Variants in TSPAN14 observed in about 807,000 individuals in gnomAD.
TSPAN14 encodes tetraspanin-14.
In TSPAN14, 16 loss-of-function variants were observed where a neutral mutation model predicts 36.6. That is an observed-to-expected ratio of 0.44 (90% CI 0.30 to 0.66). The LOEUF is 0.66. TSPAN14 is among the 30% of genes least tolerant of loss of function. TSPAN14 has a pLI of 0.12. For synonymous variants in TSPAN14, 139 were observed against 143.8 expected (o/e 0.97, Z 0.24); for missense variants, 231 against 355.1 (o/e 0.65, Z 2.81).
At chr10:80,508,126 T>C (rs535841183) in intron 4 of TSPAN14, among the ~76,000 whole-genome samples, 1 of 148,092 alleles carries the variant, frequency 6.8e-6, no homozygotes, top group Non-Finnish European at 1.5e-5. Flanking sequence ...TTTCTTTTTT[T>C]TTTTTTTGAT....
chr10:80,509,763 C>A lies in TSPAN14; in HGVS notation c.450+292C>A. ...CCTCCTCTTTCGGCCCCAGATCTTT[C>A]CAATCCTGCCCAATAGCCATACCAG... On this transcript the variant is annotated intron_variant, in intron 5 of 8. Transcript: ENST00000429989. The surrounding 1 kb of genome is among the most constrained non-coding windows in gnomAD (Gnocchi z 4.7). 2.6e-6 allele frequency: 1 copy of A among 389,378 alleles called. No individual in the cohort carries two copies. Among genetic ancestry groups the A allele is most frequent in the Non-Finnish European group, 4.7e-6 (1 of 211,126 alleles). The allele number at this position is 389,378 out of a possible 1,614,324, so 24.1% of individuals were successfully genotyped here.
chr10:80,470,898 A>T (rs956156393), intron 1 of TSPAN14, among the ~76,000 whole-genome samples: 1 of 151,940 alleles, frequency 6.6e-6, no homozygotes, highest in Admixed American at 6.6e-5. Flanking sequence ...TTGGAGGGTC[A>T]GTCTCGGGGT....
intron 2 of TSPAN14, among the ~76,000 whole-genome samples, chr10:80,501,097 C>A (rs1848486118): frequency 6.9e-6 from 1 of 144,384 alleles, no homozygotes; most frequent in African/African-American, 2.6e-5. Flanking sequence ...ATAGATGGAA[C>A]TGACGCTGTT....
At chr10:80,465,871 A>G (rs1474739779) in intron 1 of TSPAN14, among the ~76,000 whole-genome samples, 1 of 152,110 alleles carries the variant, frequency 6.6e-6, no homozygotes, top group Non-Finnish European at 1.5e-5. Context: ...TTCACATCTG[A>G]ATCTCTCCCT....
intron 2 of TSPAN14, among the ~76,000 whole-genome samples, chr10:80,495,426 A>G (rs1848151173): frequency 6.6e-6 from 1 of 151,820 alleles, no homozygotes; most frequent in Non-Finnish European, 1.5e-5. Flanking sequence ...GGCAGAGGGC[A>G]GGGATTGCTT....
exon 9 of TSPAN14, chr10:80,518,158 T>C: frequency 1.6e-6 from 1 of 644,142 alleles, no homozygotes. Context: ...GGGTCCCCCT[T>C]GTTACCTGCC....
exon 8 of TSPAN14, chr10:80,516,276 A>G: frequency 6.2e-7 from 1 of 1,614,236 alleles, no homozygotes; most frequent in Non-Finnish European, 8.5e-7. Context: ...GCTCCCGCGG[A>G]ACATTTACAT....
At chr10:80,481,624 A>G (rs1564722775) in intron 1 of TSPAN14, among the ~76,000 whole-genome samples, 1 of 152,178 alleles carries the variant, frequency 6.6e-6, no homozygotes, top group Non-Finnish European at 1.5e-5. Context: ...TCCTCTTCCA[A>G]GGTAGAAAGC....
intron 1 of TSPAN14, among the ~76,000 whole-genome samples, chr10:80,485,034 TGC>T (rs1847511104): frequency 6.6e-6 from 1 of 152,248 alleles, no homozygotes; most frequent in Admixed American, 6.5e-5. Context: ...GCCACACTGA[TGC>T]TTTATTTTCT....
At chr10:80,520,904 C>T (rs772415797) in exon 9 of TSPAN14, 4 of 498,420 alleles carry the variant, frequency 8.0e-6, no homozygotes, top group Admixed American at 4.1e-5. Context: ...CTGACCTCTC[C>T]CATATGTCTG....
At chr10:80,504,242 G>T (rs1212112110) in intron 2 of TSPAN14, among the ~76,000 whole-genome samples, 1 of 152,232 alleles carries the variant, frequency 6.6e-6, no homozygotes, top group African/African-American at 2.4e-5. Flanking sequence ...CTCCAGGGCT[G>T]GAGAGCTGGG....
At chr10:80,464,364 G>C (rs1269846885) in intron 1 of TSPAN14, among the ~76,000 whole-genome samples, 1 of 152,220 alleles carries the variant, frequency 6.6e-6, no homozygotes, top group Non-Finnish European at 1.5e-5. Context: ...TTGAGCGGGA[G>C]CTTCCTTTCA....
rs1480913574 is a variant in TSPAN14 at position 80,509,181 on chromosome 10, C to G, written c.280-120C>G. ...GGGGTTCTGGGGCCCCGATGTGGGA[C>G]TCTCAGGTGCAGAGCCCACGCTCTG... is the stretch of plus-strand genomic sequence containing the variant. On this transcript the variant is annotated intron_variant, in intron 4 of 8. Transcript: ENST00000429989. This position sits in a 1 kb window ranked among gnomAD's most constrained non-coding sequence, Gnocchi z 4.7. The G allele has an allele frequency of 2.7e-6, 3 of 1,097,030 alleles. No individual in the cohort carries two copies. In the East Asian group the frequency reaches 7.3e-5, roughly 27 times the overall value. The allele number at this position is 1,097,030 out of a possible 1,614,324, so 68.0% of individuals were successfully genotyped here.
At chr10:80,508,974 C>A (rs1840459858) in intron 4 of TSPAN14, among the ~76,000 whole-genome samples, 1 of 152,192 alleles carries the variant, frequency 6.6e-6, no homozygotes, top group Admixed American at 6.5e-5. Flanking sequence ...ATAGGGGTCT[C>A]CTCCTTGTCC....
intron 1 of TSPAN14, among the ~76,000 whole-genome samples, chr10:80,470,317 T>C (rs568286908): frequency 3.3e-5 from 5 of 152,312 alleles, no homozygotes; most frequent in African/African-American, 1.2e-4. Context: ...ACTTCTGACC[T>C]CAGGTGATCC....
At chr10:80,514,827 TG>T (rs1315415925) in intron 7 of TSPAN14, among the ~76,000 whole-genome samples, 1 of 152,036 alleles carries the variant, frequency 6.6e-6, no homozygotes, top group African/African-American at 2.4e-5. Context: ...GGTGGGGTCT[TG>T]GGGAGGGGAT....
At chr10:80,505,340 A>T (rs980176505) in intron 3 of TSPAN14, among the ~76,000 whole-genome samples, 4 of 151,754 alleles carry the variant, frequency 2.6e-5, no homozygotes, top group African/African-American at 9.7e-5. Flanking sequence ...AGGGGATGAG[A>T]CTGGATATGG....
At chr10:80,515,552 C>T (rs1282536818) in intron 7 of TSPAN14, 1 of 152,236 alleles carries the variant, frequency 6.6e-6, no homozygotes, top group Non-Finnish European at 1.5e-5. Context: ...ATTTTGAGGA[C>T]ACAATTTAGC....
intron 1 of TSPAN14, among the ~76,000 whole-genome samples, chr10:80,474,547 T>G (rs1443262108): frequency 1.3e-5 from 2 of 151,794 alleles, no homozygotes; most frequent in African/African-American, 4.8e-5. Context: ...GGCTGAGGGA[T>G]TCTGGGTGGG....
Sources: allele counts gnomAD v4.1 joint callset (sites outside exome capture counted in the v4.1 genomes callset), GRCh38; gene constraint gnomAD v4.1.1; non-coding constraint Gnocchi (gnomAD v3.1); transcripts MANE v1.5; gene names NCBI Gene and HGNC (gene_info 2026-07-23, HGNC 2026-07-21).